FLI1: variants seen among roughly 807,000 people sequenced by gnomAD.
FLI1 encodes the protein Friend leukemia integration 1 transcription factor.
A neutral mutation model predicts 53.1 loss-of-function variants in FLI1; 13 were observed. The ratio of observed to expected loss-of-function variants is 0.24; its 90% CI spans 0.16 to 0.39. FLI1 has a LOEUF of 0.39. Ranked by LOEUF, FLI1 falls within the 10% of genes least tolerant of loss-of-function variation. FLI1 has a pLI of 1.00. For missense variants in FLI1, 424 were observed against 600.5 expected (o/e 0.71, Z 3.07); for synonymous variants, 244 against 236.7 (o/e 1.03, Z -0.28).
chr11:128,771,015 G>A (rs1345615727), intron 3 of FLI1, among the ~76,000 whole-genome samples: 1 of 152,230 alleles, frequency 6.6e-6, no homozygotes, highest in Admixed American at 6.5e-5. Context: ...CTTCAGCTTA[G>A]TGAAGTCCTA....
chr11:128,687,387 G>A (rs1417130546), intron 1 of FLI1, among the ~76,000 whole-genome samples: 1 of 152,116 alleles, frequency 6.6e-6, no homozygotes, highest in East Asian at 1.9e-4. Context: ...TGCGCACCAG[G>A]AGGCCCTGCT....
At chr11:128,693,151 C>G (rs1168747114), upstream of FLI1, 1 of 152,490 alleles carries the variant, frequency 6.6e-6, no homozygotes, top group Non-Finnish European at 1.5e-5. Context: ...CGGGTAAGCG[C>G]TGGGGGTTTG....
At chr11:128,688,954 G>A (rs913270170), upstream of FLI1, among the ~76,000 whole-genome samples, 2 of 152,198 alleles carry the variant, frequency 1.3e-5, no homozygotes, top group African/African-American at 2.4e-5. Flanking sequence ...GCATTGTGAG[G>A]TTAATGTGAT....
chr11:128,790,191 C>T (rs1053988405), intron 5 of FLI1, among the ~76,000 whole-genome samples: 2 of 150,882 alleles, frequency 1.3e-5, no homozygotes, highest in Non-Finnish European at 1.5e-5. Flanking sequence ...AAACTGTTTT[C>T]CTTTGAAATT....
chr11:128,731,792 C>G (rs1939709554), intron 1 of FLI1, among the ~76,000 whole-genome samples: 1 of 152,052 alleles, frequency 6.6e-6, no homozygotes, highest in African/African-American at 2.4e-5. Context: ...CACTTGAGGT[C>G]AGGAGTTCGA....
intron 5 of FLI1, among the ~76,000 whole-genome samples, chr11:128,787,018 T>C (rs1942107450): frequency 6.6e-6 from 1 of 152,134 alleles, no homozygotes; most frequent in South Asian, 2.1e-4. Flanking sequence ...CCTTGGCTGA[T>C]GGATAAAAAG....
intron 1 of FLI1, among the ~76,000 whole-genome samples, chr11:128,688,810 C>A (rs1937630917): frequency 6.6e-6 from 1 of 152,208 alleles, no homozygotes; most frequent in Non-Finnish European, 1.5e-5. Flanking sequence ...TGATGGATAA[C>A]CGCAACGACA....
chr11:128,749,294 C>T (rs1940543949), intron 1 of FLI1, among the ~76,000 whole-genome samples: 1 of 152,202 alleles, frequency 6.6e-6, no homozygotes, highest in South Asian at 2.1e-4. Flanking sequence ...AGAAATTACC[C>T]CGAAACCTAG....
intron 1 of FLI1, among the ~76,000 whole-genome samples, chr11:128,723,066 C>T (rs947500014): frequency 6.6e-6 from 1 of 152,162 alleles, no homozygotes. Flanking sequence ...AGCTAGCTCT[C>T]TTGGGTCCTC....
intron 2 of FLI1, among the ~76,000 whole-genome samples, chr11:128,764,043 C>T (rs561194049): frequency 1.4e-4 from 21 of 152,298 alleles, no homozygotes; most frequent in African/African-American, 4.8e-4. Flanking sequence ...CCCGCGAGGC[C>T]TCACTTTGGC....
At chr11:128,743,091 C>T (rs1230124224) in intron 1 of FLI1, among the ~76,000 whole-genome samples, 4 of 152,016 alleles carry the variant, frequency 2.6e-5, no homozygotes, top group Non-Finnish European at 4.4e-5. Flanking sequence ...AGTAGCAGTG[C>T]GAGAACTGGG....
At chr11:128,783,552 T>C (rs888574205) in intron 5 of FLI1, among the ~76,000 whole-genome samples, 1 of 152,230 alleles carries the variant, frequency 6.6e-6, no homozygotes, top group Non-Finnish European at 1.5e-5. Flanking sequence ...TCATTCTACA[T>C]TGTGAGTCAG....
At position 128,733,602 on chromosome 11, in the gene FLI1, G is replaced by A. The variant is rs553066019; in HGVS notation, c.19-24513G>A. Reference sequence around the variant, plus strand: ...CCAACCATTGCCTAGAATTTGTTGGGTGTCACAGGTCAAGCTACAAAGATC... The same window carrying A: ...CCAACCATTGCCTAGAATTTGTTGGATGTCACAGGTCAAGCTACAAAGATC... On this transcript the variant is annotated intron_variant, in intron 1 of 8. Coordinates refer to ENST00000527786, the MANE Select transcript of FLI1 (RefSeq NM_002017.5). Among the ~76,000 whole-genome samples the A allele has an allele frequency of 2.0e-4, 31 of 152,282 alleles. 1 individual carries two copies. The South Asian group carries it at 6.2e-3, about 31-fold the overall frequency.
intron 7 of FLI1, 130 bp downstream of exon 7, chr11:128,807,369 C>A (rs1044817676): frequency 3.7e-6 from 2 of 539,550 alleles, no homozygotes; most frequent in African/African-American, 2.0e-5. Context: ...GAGGGTCTAT[C>A]TTTGACCCTA....
At chr11:128,721,401 T>C (rs550502067) in intron 1 of FLI1, among the ~76,000 whole-genome samples, 3 of 152,132 alleles carry the variant, frequency 2.0e-5, no homozygotes, top group African/African-American at 7.3e-5. Context: ...GAAACTAGAA[T>C]TGAAGAGTCT....
intron 1 of FLI1, among the ~76,000 whole-genome samples, chr11:128,724,705 G>A (rs746783440): frequency 4.6e-5 from 7 of 152,158 alleles, no homozygotes; most frequent in African/African-American, 1.2e-4. Context: ...AGCACACATC[G>A]TCTTGATACG....
At position 128,775,328 on chromosome 11, in the gene FLI1, G is replaced by C. The variant is rs865781022; in HGVS notation, c.589+2343G>C. 3.9e-4 allele frequency among the ~76,000 whole-genome samples: 59 copies of C among 149,936 alleles called. 1 individual carries two copies. Among genetic ancestry groups the C allele is most frequent in the Non-Finnish European group, 8.9e-5 (6 of 67,610 alleles). ...TGATAGAAAAACCATGTCTGCCTGC[G>C]AAAGCAAAAAATTAAAATAATCGTG... On this transcript the variant is annotated intron_variant, in intron 4 of 8. Coordinates refer to ENST00000527786, the MANE Select transcript of FLI1 (RefSeq NM_002017.5).
intron 1 of FLI1, among the ~76,000 whole-genome samples, chr11:128,698,013 A>C (rs959801291): frequency 8.1e-6 from 1 of 122,782 alleles, no homozygotes; most frequent in African/African-American, 3.2e-5. Context: ...AGTCGGGCAG[A>C]GGCACTCTCT....
chr11:128,743,897 C>G (rs543555351), intron 1 of FLI1, among the ~76,000 whole-genome samples: 1 of 152,292 alleles, frequency 6.6e-6, no homozygotes, highest in South Asian at 2.1e-4. Flanking sequence ...TGCCGGGAGA[C>G]AGGAGACCCC....
Sources: allele counts gnomAD v4.1 joint callset (sites outside exome capture counted in the v4.1 genomes callset), GRCh38; gene constraint gnomAD v4.1.1; transcripts MANE v1.5; gene names NCBI Gene and HGNC (gene_info 2026-07-23, HGNC 2026-07-21).